The following ROR1 variants were observed in gnomAD, a reference collection of about 807,000 sequenced individuals.
ROR1 encodes ROR family WNT receptor 1.
A neutral mutation model predicts 78.8 loss-of-function variants in ROR1; 19 were observed. The observed-to-expected ratio is 0.24, with a 90% confidence interval of 0.17 to 0.35. The LOEUF (loss-of-function observed/expected upper bound fraction) is 0.35. Ranked by LOEUF, ROR1 falls within the 10% of genes least tolerant of loss-of-function variation. The pLI is 1.00. For synonymous variants in ROR1, 386 were observed against 433.6 expected (o/e 0.89, Z 1.36); for missense variants, 917 against 1,177.8 (o/e 0.78, Z 3.24).
intron 1 of ROR1, among the ~76,000 whole-genome samples, chr1:63,799,432 C>T (rs1420140815): frequency 6.6e-6 from 1 of 152,192 alleles, no homozygotes; most frequent in Non-Finnish European, 1.5e-5. Context: ...TCCTTGGCGA[C>T]AGAATTCCAT....
At chr1:63,811,916 G>T (rs1436061266) in intron 1 of ROR1, among the ~76,000 whole-genome samples, 1 of 151,120 alleles carries the variant, frequency 6.6e-6, no homozygotes, top group Non-Finnish European at 1.5e-5. Flanking sequence ...TTGGGATCAA[G>T]TCCAATAAGC....
chr1:64,168,978 G>A (rs1469392372), intron 8 of ROR1, among the ~76,000 whole-genome samples: 1 of 152,238 alleles, frequency 6.6e-6, no homozygotes, highest in African/African-American at 2.4e-5. Flanking sequence ...GACCCACATA[G>A]GAACTCTTGA....
chr1:64,038,655 A>G (rs1020741011), intron 2 of ROR1, among the ~76,000 whole-genome samples: 1 of 152,218 alleles, frequency 6.6e-6, no homozygotes. Flanking sequence ...ACATACCCAG[A>G]TCACACTTTA....
chr1:63,848,295 A>G (rs2100326337), intron 1 of ROR1, among the ~76,000 whole-genome samples: 1 of 152,348 alleles, frequency 6.6e-6, no homozygotes, highest in East Asian at 1.9e-4. Flanking sequence ...CCAGAAGCAT[A>G]ACACAAATGC....
chr1:63,868,841 T>A (rs1488847420), intron 1 of ROR1, among the ~76,000 whole-genome samples: 1 of 152,212 alleles, frequency 6.6e-6, no homozygotes, highest in African/African-American at 2.4e-5. Flanking sequence ...GAAGAAACTT[T>A]ATTCAAGACA....
intron 2 of ROR1, among the ~76,000 whole-genome samples, chr1:64,010,451 G>C (rs1328293637): frequency 3.3e-5 from 5 of 151,258 alleles, no homozygotes; most frequent in Non-Finnish European, 5.9e-5. Context: ...GTGGAATGAT[G>C]AGTCACATCT....
intron 4 of ROR1, among the ~76,000 whole-genome samples, chr1:64,129,339 T>C (rs1234586616): frequency 6.6e-6 from 1 of 152,094 alleles, no homozygotes; most frequent in Non-Finnish European, 1.5e-5. Context: ...AAAAAAAAAA[T>C]CAAAGCAATT....
chr1:64,130,976 T>G (rs1557666393), intron 4 of ROR1, among the ~76,000 whole-genome samples: 2 of 152,162 alleles, frequency 1.3e-5, no homozygotes, highest in African/African-American at 4.8e-5. Context: ...GTGGCCCGAT[T>G]CACAAGTTTT....
chr1:64,099,546 G>C (rs1439491450), intron 4 of ROR1, among the ~76,000 whole-genome samples: 2 of 151,898 alleles, frequency 1.3e-5, no homozygotes, highest in Non-Finnish European at 2.9e-5. Context: ...AACTATAAAA[G>C]CAAAAATAAA....
chr1:64,044,391 T>G (rs1306829608), intron 2 of ROR1, among the ~76,000 whole-genome samples: 1 of 152,032 alleles, frequency 6.6e-6, no homozygotes, highest in Non-Finnish European at 1.5e-5. Context: ...CAATGGTGGG[T>G]GAAACTGCTC....
intron 4 of ROR1, among the ~76,000 whole-genome samples, chr1:64,079,915 T>C (rs1273303795): frequency 2.6e-5 from 4 of 152,036 alleles, no homozygotes; most frequent in Non-Finnish European, 5.9e-5. Context: ...ATACACATGG[T>C]ATTATTGAGT....
chr1:63,993,666 T>C (rs961913118), intron 1 of ROR1, among the ~76,000 whole-genome samples: 5 of 152,210 alleles, frequency 3.3e-5, no homozygotes, highest in African/African-American at 1.2e-4. Context: ...TTTATTTTGG[T>C]GATTGTTCCA....
intron 1 of ROR1, among the ~76,000 whole-genome samples, chr1:63,898,791 TC>T (rs1292705914): frequency 6.6e-6 from 1 of 151,930 alleles, no homozygotes; most frequent in African/African-American, 2.4e-5. Context: ...AGGGAGTTTT[TC>T]CCCCTGCCTA....
chr1:64,037,216 G>A (rs1173902265), intron 2 of ROR1, among the ~76,000 whole-genome samples: 1 of 152,186 alleles, frequency 6.6e-6, no homozygotes, highest in Non-Finnish European at 1.5e-5. Flanking sequence ...AGGGCACACA[G>A]ACTCCACCTT....
chr1:63,806,576 C>T (rs1644831184), intron 1 of ROR1, among the ~76,000 whole-genome samples: 1 of 152,188 alleles, frequency 6.6e-6, no homozygotes, highest in Admixed American at 6.5e-5. Flanking sequence ...CCTGGCCTCC[C>T]AAAGTGCTGG....
chr1:63,885,909 G>T (rs1018275453), intron 1 of ROR1, among the ~76,000 whole-genome samples: 3 of 152,074 alleles, frequency 2.0e-5, no homozygotes, highest in Non-Finnish European at 4.4e-5. Context: ...CGTTTATTTT[G>T]CACTCTCTAT....
intron 4 of ROR1, among the ~76,000 whole-genome samples, chr1:64,119,164 G>A (rs1045165543): frequency 3.9e-5 from 6 of 152,088 alleles, no homozygotes; most frequent in East Asian, 1.9e-4. Flanking sequence ...AATGCTATAC[G>A]TGCACAACAG....
At chr1:63,857,385 T>C (rs1645155739) in intron 1 of ROR1, among the ~76,000 whole-genome samples, 1 of 152,204 alleles carries the variant, frequency 6.6e-6, no homozygotes, top group Non-Finnish European at 1.5e-5. Context: ...CCATATTCTA[T>C]AAACAAACAA....
intron 1 of ROR1, among the ~76,000 whole-genome samples, chr1:63,952,664 G>A (rs1229954821): frequency 6.6e-6 from 1 of 152,156 alleles, no homozygotes; most frequent in Admixed American, 6.5e-5. Context: ...GAAGCATGGA[G>A]AGCCTTGAAG....
Sources: allele counts gnomAD v4.1 joint callset (sites outside exome capture counted in the v4.1 genomes callset), GRCh38; gene constraint gnomAD v4.1.1; transcripts MANE v1.5; gene names NCBI Gene and HGNC (gene_info 2026-07-23, HGNC 2026-07-21).